SPATA16: variants seen among roughly 807,000 people sequenced by gnomAD.
SPATA16 encodes the protein spermatogenesis associated 16.
Under a neutral mutation model 63.3 loss-of-function variants are expected in SPATA16, and 36 were observed. The ratio of observed to expected loss-of-function variants is 0.57; its 90% CI spans 0.44 to 0.75. The LOEUF (loss-of-function observed/expected upper bound fraction) is 0.75. Among genes scored for constraint, SPATA16 ranks in the 30% least tolerant of loss-of-function variants. The pLI is 0.00. For missense variants in SPATA16, 646 were observed against 679.3 expected (o/e 0.95, Z 0.54); for synonymous variants, 203 against 216.7 (o/e 0.94, Z 0.56).
chr3:173,125,924 T>G (rs542142375), intron 1 of SPATA16, among the ~76,000 whole-genome samples: 3 of 152,338 alleles, frequency 2.0e-5, no homozygotes, highest in African/African-American at 7.2e-5. Context: ...AAAGTATCTT[T>G]TTGTTGTTGT....
chr3:173,019,693 C>A, intron 3 of SPATA16, 118 bp from the exon 4 acceptor site: 1 of 932,578 alleles, frequency 1.1e-6, no homozygotes, highest in Non-Finnish European at 1.7e-6. Context: ...TTTAAAGATA[C>A]TAGTGAAAGG....
In SPATA16 at chr3:173,094,210, A is replaced by G. The variant is rs78809165; in HGVS notation, c.612+22910T>C. On this transcript the variant is annotated intron_variant, in intron 2 of 10. Coordinates refer to ENST00000351008, the MANE Select transcript of SPATA16 (RefSeq NM_031955.6). ...TTCATAATTGCTGGGCTTGTTCTGC[A>G]TTCTTTTCTGTATATTTTGTCCAAT... Among the ~76,000 whole-genome samples the G allele has an allele frequency of 4.1e-4, 62 of 152,240 alleles. No homozygotes were observed. The East Asian group carries it at 0.011, about 27-fold the overall frequency.
intron 1 of SPATA16, among the ~76,000 whole-genome samples, chr3:173,133,992 G>GA (rs71162331): frequency 0.32 from 48,935 of 151,402 alleles, 8,255 homozygotes; most frequent in African/African-American, 0.41. Flanking sequence ...ATTTTATATG[G>GA]AAAAAAAAGG....
chr3:173,052,558 C>T (rs896319533), intron 2 of SPATA16, among the ~76,000 whole-genome samples: 7 of 152,136 alleles, frequency 4.6e-5, no homozygotes, highest in African/African-American at 1.7e-4. Flanking sequence ...TGCAATAAGG[C>T]AAACAGTTAA....
At chr3:173,075,224 A>G (rs908255049) in intron 2 of SPATA16, among the ~76,000 whole-genome samples, 1 of 151,976 alleles carries the variant, frequency 6.6e-6, no homozygotes, top group Non-Finnish European at 1.5e-5. Context: ...GGAAATTTTT[A>G]AAAATAAAAT....
chr3:173,048,411 A>G (rs991416210), intron 3 of SPATA16, among the ~76,000 whole-genome samples: 1 of 152,126 alleles, frequency 6.6e-6, no homozygotes, highest in Admixed American at 6.6e-5. Flanking sequence ...GAAGTCATAT[A>G]GTGACACACA....
chr3:173,073,360 A>T (rs1736716729), intron 2 of SPATA16, among the ~76,000 whole-genome samples: 1 of 152,238 alleles, frequency 6.6e-6, no homozygotes, highest in African/African-American at 2.4e-5. Context: ...CATGTCAGAG[A>T]CCTTCATGGC....
intron 3 of SPATA16, among the ~76,000 whole-genome samples, chr3:173,023,270 A>G (rs1272778131): frequency 6.6e-6 from 1 of 151,724 alleles, no homozygotes; most frequent in African/African-American, 2.4e-5. Context: ...TTGATAAATA[A>G]TCCATCCTTC....
At chr3:172,975,885 A>T (rs1332751060) in intron 5 of SPATA16, among the ~76,000 whole-genome samples, 4 of 152,048 alleles carry the variant, frequency 2.6e-5, no homozygotes, top group African/African-American at 9.7e-5. Flanking sequence ...TAGAGAGACA[A>T]AAAACTAGGG....
At chr3:173,093,531 A>T (rs1189792099) in intron 2 of SPATA16, among the ~76,000 whole-genome samples, 1 of 152,162 alleles carries the variant, frequency 6.6e-6, no homozygotes, top group Non-Finnish European at 1.5e-5. Context: ...ACAATAAAAA[A>T]GTTTTGAATG....
intron 10 of SPATA16, among the ~76,000 whole-genome samples, chr3:172,890,626 T>A (rs953394900): frequency 6.6e-6 from 1 of 152,104 alleles, no homozygotes; most frequent in African/African-American, 2.4e-5. Context: ...TTGCTTGATT[T>A]ATCATTCAGA....
Position 173,054,265 on chromosome 3 carries a change from C to T in SPATA16, c.613-5171G>A, listed in dbSNP as rs372176485. Among the ~76,000 whole-genome samples, 14 of 151,966 alleles carry T rather than the reference C, an allele frequency of 9.2e-5. 1 individual carries two copies. The highest frequency in any genetic ancestry group is 2.6e-4 in the Admixed American group (4 of 15,272). On this transcript the variant is annotated intron_variant, in intron 2 of 10. Transcript: ENST00000351008. ...TATATATGAATAAAAAACACAGGAC[C>T]CAGCAACCCCATTACTGGGTATATA...
chr3:173,004,672 C>T (rs1734900535), intron 4 of SPATA16, among the ~76,000 whole-genome samples: 1 of 152,162 alleles, frequency 6.6e-6, no homozygotes, highest in Non-Finnish European at 1.5e-5. Context: ...GAGGTAGCTT[C>T]ATCTGTCTTC....
chr3:172,904,876 T>G lies in SPATA16; in HGVS notation c.1587+8785A>C, dbSNP rs536569035. 4.6e-5 allele frequency among the ~76,000 whole-genome samples: 7 copies of G among 152,278 alleles called. No individual in the cohort carries two copies. In the South Asian group the frequency reaches 1.2e-3, roughly 27 times the overall value. ...TTCCCGGGTCCGATTGCCCCAGGGC[T>G]TAGCTTCTGAACACAATCACGAGGC... is the stretch of plus-strand genomic sequence containing the variant. On this transcript the variant is annotated intron_variant, in intron 10 of 10. Transcript: ENST00000351008.
At chr3:173,093,689 A>G (rs1046632048) in intron 2 of SPATA16, among the ~76,000 whole-genome samples, 59 of 152,192 alleles carry the variant, frequency 3.9e-4, no homozygotes, top group African/African-American at 1.3e-3. Context: ...AAATTGGGCC[A>G]TCGCTATTGT....
intron 2 of SPATA16, among the ~76,000 whole-genome samples, chr3:173,062,721 G>T (rs1177122840): frequency 6.6e-6 from 1 of 152,140 alleles, no homozygotes; most frequent in Non-Finnish European, 1.5e-5. Flanking sequence ...TTAGAGCAGT[G>T]GTTCCCAATG....
chr3:173,067,012 T>C (rs1272026402), intron 2 of SPATA16, among the ~76,000 whole-genome samples: 3 of 138,616 alleles, frequency 2.2e-5, no homozygotes, highest in African/African-American at 3.2e-5. Flanking sequence ...AAAAATTCAA[T>C]TGACAAACTG....
intron 4 of SPATA16, among the ~76,000 whole-genome samples, chr3:172,991,960 C>T (rs559212293): frequency 6.6e-6 from 1 of 152,292 alleles, no homozygotes; most frequent in South Asian, 2.1e-4. Flanking sequence ...AGACAGAATA[C>T]ATGGGAGAAC....
intron 4 of SPATA16, among the ~76,000 whole-genome samples, chr3:172,986,974 C>T (rs1304990852): frequency 6.6e-6 from 1 of 152,158 alleles, no homozygotes; most frequent in Non-Finnish European, 1.5e-5. Flanking sequence ...TGTGAGAAGA[C>T]ATTTATGACC....
Sources: gnomAD v4.1 joint callset for allele counts (sites outside exome capture counted in the v4.1 genomes callset) on GRCh38, gnomAD v4.1.1 for gene constraint, MANE v1.5 for transcripts, NCBI Gene and HGNC (gene_info 2026-07-23, HGNC 2026-07-21) for gene names.